The following VPS11 variants were observed in gnomAD, a reference collection of about 807,000 sequenced individuals.
VPS11 encodes vacuolar protein sorting-associated protein 11 homolog.
In VPS11, 51 loss-of-function variants were observed where a neutral mutation model predicts 106.8. That is an observed-to-expected ratio of 0.48 (90% CI 0.38 to 0.60). The LOEUF (loss-of-function observed/expected upper bound fraction) is 0.60, where lower values mean the gene tolerates loss of function less well. Among genes scored for constraint, VPS11 ranks in the 20% least tolerant of loss-of-function variants. The pLI is 0.00. For missense variants in VPS11, 950 were observed against 1,190.0 expected (o/e 0.80, Z 2.97); for synonymous variants, 453 against 458.7 (o/e 0.99, Z 0.16).
Position 119,069,235 on chromosome 11 carries a change from A to G in VPS11, c.227A>G (p.Gln76Arg), listed in dbSNP as rs782747356. Reference protein sequence around the residue: ...GQIWFLPRSLQLTGFQAYKLR... With the variant: ...GQIWFLPRSLRLTGFQAYKLR... ...ATCTGGTTCTTGCCACGTTCCCTAC[A>G]GCTTACAGGCTTCCAAGCCTACAAA... is the stretch of plus-strand genomic sequence containing the variant. The change falls in exon 2 of 16, where the codon CAG (glutamine) becomes CGG (arginine). Residue 76 changes from glutamine to arginine, a missense_variant. Physicochemically the swap from Gln to Arg is conservative, Grantham distance 43. Coordinates refer to ENST00000621676, the MANE Select transcript of VPS11 (RefSeq NM_021729.6). 2 of 1,613,998 alleles carry G rather than the reference A, an allele frequency of 1.2e-6. No individual in the cohort carries two copies. The highest frequency in any genetic ancestry group is 1.7e-6 in the Non-Finnish European group (2 of 1,179,890).
chr11:119,068,181 G>A, intron 1 of VPS11, 171 bp downstream of exon 1: 1 of 717,700 alleles, frequency 1.4e-6, no homozygotes, highest in Non-Finnish European at 2.2e-6. Context: ...CTCCTAACTT[G>A]TTATCAACTG....
chr11:119,075,543 A>T (rs7941635), intron 7 of VPS11, among the ~76,000 whole-genome samples: 903 of 46,916 alleles, frequency 0.019, no homozygotes, highest in Middle Eastern at 0.047. Flanking sequence ...TGTCTCCACT[A>T]AAAAAAAAAA....
rs2133639775 is a variant in VPS11 at position 119,067,934 on chromosome 11, C to G, written c.111C>G (p.Ser37=). The G allele has an allele frequency of 1.3e-5, 21 of 1,612,030 alleles. No individual in the cohort carries two copies. The highest frequency in any genetic ancestry group is 6.7e-5 in the Admixed American group (4 of 59,704). ...CCGGGGCCACACCTGCTTCTGGATC[C>G]GCTGCTTCCAAGTTCCTTTGCCTCC... ...AAPGATPASG[S]AASKFLCLPP... The change falls in exon 1 of 16, where the codon TCC becomes TCG. Residue 37 remains serine, a synonymous_variant. Coordinates refer to ENST00000621676, the MANE Select transcript of VPS11 (RefSeq NM_021729.6).
intron 14 of VPS11, among the ~76,000 whole-genome samples, chr11:119,079,951 T>C (rs1325831116): frequency 1.3e-5 from 2 of 152,214 alleles, no homozygotes; most frequent in African/African-American, 4.8e-5. Context: ...TCTACAAATA[T>C]TGAGCCTCTG....
In VPS11 at chr11:119,081,084, C is replaced by G. The variant is rs1353156354; in HGVS notation, c.2439-8C>G. On this transcript the variant is annotated splice_polypyrimidine_tract_variant and splice_region_variant and intron_variant, in intron 14 of 15. Transcript: ENST00000621676. ...TTGCCACTCACTTCTGGTCTTTCTT[C>G]CCTGTAGTCCTAAGATTTTCCAAAA... The G allele has an allele frequency of 2.5e-6, 4 of 1,612,746 alleles. No homozygotes were observed. Among genetic ancestry groups the G allele is most frequent in the Non-Finnish European group, 3.4e-6 (4 of 1,178,776 alleles).
At chr11:119,075,478 G>A (rs191560098) in intron 7 of VPS11, among the ~76,000 whole-genome samples, 3 of 151,506 alleles carry the variant, frequency 2.0e-5, no homozygotes, top group African/African-American at 7.3e-5. Context: ...GCCAAGGCGG[G>A]TGGATCACTT....
intron 7 of VPS11, among the ~76,000 whole-genome samples, chr11:119,074,853 G>GT (rs1332954341): frequency 6.6e-6 from 1 of 152,138 alleles, no homozygotes; most frequent in Non-Finnish European, 1.5e-5. Context: ...CTTGGCCTTT[G>GT]TAAATATTCA....
chr11:119,071,773 C>CATA lies in VPS11; in HGVS notation c.816_818dup (p.His272_Lys273insAsn). 1 of 1,613,984 alleles carries CATA rather than the reference C, an allele frequency of 6.2e-7. No individual in the cohort carries two copies. The highest frequency in any genetic ancestry group is 8.5e-7 in the Non-Finnish European group (1 of 1,179,892). On this transcript the variant is annotated inframe_insertion, in exon 5 of 16. Coordinates refer to ENST00000621676, the MANE Select transcript of VPS11 (RefSeq NM_021729.6). ...TGGGCCCTGCTTCGCCTTTGAGGGC[C>CATA]ATAAGCTCATTGCCCACTGGTTTAG...
chr11:119,071,941 T>C, intron 5 of VPS11, 98 bp downstream of exon 5: 3 of 1,461,134 alleles, frequency 2.1e-6, no homozygotes, highest in Non-Finnish European at 2.8e-6. Flanking sequence ...GCCAATCTCC[T>C]ACTCCTACTC....
intron 6 of VPS11, 173 bp from the exon 7 acceptor site, chr11:119,073,627 C>T: frequency 1.1e-6 from 1 of 902,402 alleles, no homozygotes; most frequent in Non-Finnish European, 1.6e-6. Flanking sequence ...TCCAGAGAAC[C>T]TTATGAAATA....
chr11:119,079,423 G>A, intron 14 of VPS11, 123 bp downstream of exon 14: 2 of 1,258,922 alleles, frequency 1.6e-6, no homozygotes, highest in Non-Finnish European at 2.1e-6. Context: ...GATTCTTCAA[G>A]TTGTGTTTTA....
chr11:119,076,613 A>G (rs1485954936), intron 7 of VPS11, among the ~76,000 whole-genome samples: 1 of 152,146 alleles, frequency 6.6e-6, no homozygotes, highest in Non-Finnish European at 1.5e-5. Context: ...AAATAGTAAT[A>G]ATATAAAAAG....
At chr11:119,071,088 C>T (rs1945370678) in intron 4 of VPS11, among the ~76,000 whole-genome samples, 1 of 151,970 alleles carries the variant, frequency 6.6e-6, no homozygotes, top group African/African-American at 2.4e-5. Flanking sequence ...GTCACCATGC[C>T]TGGCTAATTT....
In VPS11 at chr11:119,077,497, G is replaced by A. The variant is rs373527572; in HGVS notation, c.1426-4G>A. On this transcript the variant is annotated splice_region_variant and splice_polypyrimidine_tract_variant and intron_variant, in intron 8 of 15. Coordinates refer to ENST00000621676, the MANE Select transcript of VPS11 (RefSeq NM_021729.6). ...AATGATTTTGTCTCATGTCTCCCTG[G>A]CAGAAAAAGAGTGAGAGTGAAGTCC... 3.1e-4 allele frequency: 504 copies of A among 1,612,742 alleles called. 2 individuals carry two copies. The African/African-American group carries it at 6.1e-3, about 20-fold the overall frequency.
rs1258125749 is a variant in VPS11 at position 119,079,068 on chromosome 11, T to C, written c.2267-61T>C. 7 of 1,611,922 alleles carry C rather than the reference T, an allele frequency of 4.3e-6. No individual in the cohort carries two copies. The East Asian group carries it at 1.6e-4, about 36-fold the overall frequency. ...GGCTCTGTGGCAGGGGCCCTTCACCTTTATCCAGAGAGTGCCACACGTGGT... is the reference window on the plus strand; with the variant it reads ...GGCTCTGTGGCAGGGGCCCTTCACCCTTATCCAGAGAGTGCCACACGTGGT... On this transcript the variant is annotated intron_variant, in intron 13 of 15. Coordinates refer to ENST00000621676, the MANE Select transcript of VPS11 (RefSeq NM_021729.6).
chr11:119,078,007 T>A lies in VPS11; in HGVS notation c.1702T>A (p.Cys568Ser). ...GACAACTCAGTTGCTGAAGGGACTT[T>A]GTACTGATTATCGGCCCAGCCTCGA... is the stretch of plus-strand genomic sequence containing the variant. ...EQTTQLLKGL[C>S]TDYRPSLEGR... Residue 568 changes from cysteine to serine, a missense_variant, in exon 10 of 16, where the codon TGT (cysteine) becomes AGT (serine). Physicochemically the swap from Cys to Ser is moderately radical, Grantham distance 112. This residue lies in a region of VPS11 where 453 missense variants were observed against 514.6 expected (regional missense o/e 0.88). Transcript: ENST00000621676. The A allele has an allele frequency of 6.2e-7, 1 of 1,613,682 alleles. No individual in the cohort carries two copies. Among genetic ancestry groups the A allele is most frequent in the Non-Finnish European group, 8.5e-7 (1 of 1,179,878 alleles).
chr11:119,070,318 A>C lies in VPS11; in HGVS notation c.557A>C (p.Asn186Thr), dbSNP rs986999947. Reference sequence around the variant, plus strand: ...AAGACCCAGATTTTGCACAAGGGCAACTATCCTGTAACTGGATTGGCCTTT... The same window carrying C: ...AAGACCCAGATTTTGCACAAGGGCACCTATCCTGTAACTGGATTGGCCTTT... ...HSKTQILHKGNYPVTGLAFRQ... is the reference protein window; with the variant it reads ...HSKTQILHKGTYPVTGLAFRQ... The change falls in exon 4 of 16, where the codon AAC (asparagine) becomes ACC (threonine). Residue 186 changes from asparagine (N) to threonine (T), a missense_variant. Physicochemically the swap from Asn to Thr is moderately conservative, Grantham distance 65. Coordinates refer to ENST00000621676, the MANE Select transcript of VPS11 (RefSeq NM_021729.6). 4.3e-6 allele frequency: 7 copies of C among 1,613,248 alleles called. No homozygotes were observed. Among genetic ancestry groups the C allele is most frequent in the Admixed American group, 1.7e-5 (1 of 59,922 alleles).
At chr11:119,075,976 CA>C (rs1945599447) in intron 7 of VPS11, among the ~76,000 whole-genome samples, 1 of 151,038 alleles carries the variant, frequency 6.6e-6, no homozygotes, top group Non-Finnish European at 1.5e-5. Context: ...GCCTGTAATC[CA>C]AACACTTTGG....
intron 14 of VPS11, 122 bp from the exon 15 acceptor site, chr11:119,080,970 A>G: frequency 1.2e-6 from 1 of 815,030 alleles, no homozygotes; most frequent in Non-Finnish European, 2.1e-6. Flanking sequence ...AGAGCAGGGC[A>G]GGGCCTTCAG....
Sources: allele counts gnomAD v4.1 joint callset (sites outside exome capture counted in the v4.1 genomes callset), GRCh38; gene constraint gnomAD v4.1.1; regional missense constraint gnomAD v4.1.1; transcripts MANE v1.5; gene names NCBI Gene and HGNC (gene_info 2026-07-23, HGNC 2026-07-21).